The following RANBP17 variants were observed in gnomAD, a reference collection of about 807,000 sequenced individuals.
RANBP17 encodes the protein RAN binding protein 17.
A neutral mutation model predicts 141.2 loss-of-function variants in RANBP17; 158 were observed. That is an observed-to-expected ratio of 1.12 (90% CI 0.98 to 1.28). The LOEUF (loss-of-function observed/expected upper bound fraction) is 1.28, where lower values mean the gene tolerates loss of function less well. Among genes scored for constraint, RANBP17 ranks in the 50% most tolerant of loss-of-function variants. The pLI, the probability that RANBP17 is intolerant of heterozygous loss-of-function variation, is 0.00. For missense variants in RANBP17, 1,438 were observed against 1,290.7 expected, an observed-to-expected ratio of 1.11 and a Z score of -1.75; for synonymous variants, 430 against 450.0, an observed-to-expected ratio of 0.96 and a Z score of 0.56.
intron 14 of RANBP17, among the ~76,000 whole-genome samples, chr5:171,125,486 A>G (rs895045175): frequency 6.6e-6 from 1 of 152,110 alleles, no homozygotes; most frequent in African/African-American, 2.4e-5. Flanking sequence ...GTAAATATAT[A>G]TGCACTCAAC....
At chr5:171,218,690 T>G (rs1763372460) in intron 21 of RANBP17, among the ~76,000 whole-genome samples, 1 of 152,198 alleles carries the variant, frequency 6.6e-6, no homozygotes, top group Non-Finnish European at 1.5e-5. Context: ...TTTGTGGGTT[T>G]AAAGTCTGTT....
At chr5:170,961,885 T>C (rs1005064460) in intron 13 of RANBP17, among the ~76,000 whole-genome samples, 6 of 152,198 alleles carry the variant, frequency 3.9e-5, no homozygotes, top group African/African-American at 1.4e-4. Flanking sequence ...ATAAAGTGCT[T>C]GATTGTTTTC....
intron 14 of RANBP17, among the ~76,000 whole-genome samples, chr5:171,143,814 G>A (rs10062876): frequency 0.57 from 86,393 of 151,986 alleles, 26,381 homozygotes; most frequent in South Asian, 0.77. Context: ...TTTGAACGAG[G>A]TCTTAAAGAT....
intron 14 of RANBP17, among the ~76,000 whole-genome samples, chr5:171,027,472 T>TAGTA (rs1347895132): frequency 6.6e-6 from 1 of 152,132 alleles, no homozygotes; most frequent in East Asian, 1.9e-4. Context: ...GATTTGCATA[T>TAGTA]AGTATTGTAG....
chr5:170,924,833 A>G (rs1312448602), intron 12 of RANBP17: 2 of 232,450 alleles, frequency 8.6e-6, no homozygotes, highest in African/African-American at 2.2e-5. Flanking sequence ...TATGAACATA[A>G]CTATCTTAAC....
chr5:171,089,535 A>G (rs1786033924), intron 14 of RANBP17, among the ~76,000 whole-genome samples: 1 of 151,964 alleles, frequency 6.6e-6, no homozygotes, highest in Non-Finnish European at 1.5e-5. Flanking sequence ...AGCCTGGGCA[A>G]TGGCGGGCGC....
At chr5:171,060,262 C>G (rs245755) in intron 14 of RANBP17, among the ~76,000 whole-genome samples, 1 of 92,408 alleles carries the variant, frequency 1.1e-5, no homozygotes, top group Non-Finnish European at 2.5e-5. Context: ...AGGGAATGCT[C>G]CCAGTTTTTG....
At chr5:171,087,138 C>T (rs1257329894) in intron 14 of RANBP17, among the ~76,000 whole-genome samples, 265 of 145,226 alleles carry the variant, frequency 1.8e-3, no homozygotes, top group Non-Finnish European at 3.0e-3. Flanking sequence ...GCTTTGAATG[C>T]GTCCCAGAGA....
chr5:171,191,148 T>G (rs555737546), intron 18 of RANBP17, among the ~76,000 whole-genome samples: 67 of 152,312 alleles, frequency 4.4e-4, no homozygotes, highest in African/African-American at 1.6e-3. Context: ...CATCTGAAGA[T>G]ATCACTAGCT....
chr5:171,170,028 G>T, intron 14 of RANBP17, 102 bp from the exon 15 acceptor site: 1 of 533,814 alleles, frequency 1.9e-6, no homozygotes, highest in South Asian at 4.7e-5. Flanking sequence ...ACTTCAGTGT[G>T]GATACCACAG....
chr5:170,931,978 A>C (rs1773428392), intron 12 of RANBP17, among the ~76,000 whole-genome samples: 1 of 152,154 alleles, frequency 6.6e-6, no homozygotes, highest in Admixed American at 6.5e-5. Flanking sequence ...ATAGCATTGA[A>C]TCTATAAATT....
chr5:171,236,178 C>G (rs955183780), intron 22 of RANBP17, among the ~76,000 whole-genome samples: 3 of 152,210 alleles, frequency 2.0e-5, no homozygotes, highest in Admixed American at 1.3e-4. Context: ...CTTCGCATAA[C>G]TGCTCCTTCC....
At chr5:171,238,544 T>C (rs1459906896) in intron 22 of RANBP17, among the ~76,000 whole-genome samples, 1 of 152,192 alleles carries the variant, frequency 6.6e-6, no homozygotes, top group East Asian at 1.9e-4. Flanking sequence ...TTCTCACTTT[T>C]ACCCTGGCCT....
intron 5 of RANBP17, chr5:170,904,051 C>A: frequency 2.1e-6 from 1 of 466,640 alleles, no homozygotes. Flanking sequence ...CAGGCAGACC[C>A]TAAACATAGT....
At chr5:171,177,127 AT>A (rs1295524389) in intron 16 of RANBP17, among the ~76,000 whole-genome samples, 2 of 152,150 alleles carry the variant, frequency 1.3e-5, no homozygotes, top group Admixed American at 1.3e-4. Context: ...TTCTATTAGC[AT>A]TTTTTATCAG....
At chr5:170,866,675 A>G (rs1767288355) in intron 1 of RANBP17, among the ~76,000 whole-genome samples, 1 of 151,348 alleles carries the variant, frequency 6.6e-6, no homozygotes, top group African/African-American at 2.4e-5. Context: ...ACTCCATCTC[A>G]ACAAAAAAAA....
chr5:170,923,942 A>G (rs1772689306), intron 11 of RANBP17, among the ~76,000 whole-genome samples: 1 of 150,918 alleles, frequency 6.6e-6, no homozygotes, highest in Non-Finnish European at 1.5e-5. Flanking sequence ...TCAGATATAG[A>G]CAGTTTTATT....
intron 14 of RANBP17, among the ~76,000 whole-genome samples, chr5:171,010,352 A>G (rs113656585): frequency 2.0e-5 from 3 of 152,266 alleles, no homozygotes; most frequent in African/African-American, 7.2e-5. Context: ...TCACGATAAA[A>G]CCAAAGCCAA....
In RANBP17 at chr5:171,269,263, C is replaced by G. The variant is rs137883102; in HGVS notation, c.2943+3416C>G. On this transcript the variant is annotated intron_variant, in intron 25 of 27. Coordinates refer to ENST00000523189, the MANE Select transcript of RANBP17 (RefSeq NM_022897.5). ...CACAGTTTCTGTCGTCTCAAAAGCT[C>G]TTTTGAATTGATTTGAAATTTTGAC... Among the ~76,000 whole-genome samples, 55 of 152,268 alleles carry G rather than the reference C, an allele frequency of 3.6e-4. 1 individual carries two copies. The East Asian group carries it at 9.5e-3, about 26-fold the overall frequency.
Sources: allele counts gnomAD v4.1 joint callset (sites outside exome capture counted in the v4.1 genomes callset), GRCh38; gene constraint gnomAD v4.1.1; transcripts MANE v1.5; gene names NCBI Gene and HGNC (gene_info 2026-07-23, HGNC 2026-07-21).